The following DLG2 variants were observed in gnomAD, a reference collection of about 807,000 sequenced individuals.
The protein encoded by DLG2 is disks large homolog 2.
DLG2 carries 45 observed loss-of-function variants against 132.5 expected under a neutral mutation model. That is an observed-to-expected ratio of 0.34 (90% CI 0.27 to 0.44). DLG2 has a LOEUF of 0.44. Among genes scored for constraint, DLG2 ranks in the 20% least tolerant of loss-of-function variants. The pLI, the probability that DLG2 is intolerant of heterozygous loss-of-function variation, is 1.00. For synonymous variants in DLG2, 424 were observed against 419.6 expected (o/e 1.01, Z -0.13); for missense variants, 1,045 against 1,196.9 (o/e 0.87, Z 1.87).
At chr11:85,203,933 A>G (rs1045745846) in intron 4 of DLG2, among the ~76,000 whole-genome samples, 1 of 152,136 alleles carries the variant, frequency 6.6e-6, no homozygotes, top group Non-Finnish European at 1.5e-5. Context: ...AAGGACAAAA[A>G]CAATACTATC....
intron 5 of DLG2, among the ~76,000 whole-genome samples, chr11:85,151,643 C>T (rs2077261440): frequency 6.6e-6 from 1 of 152,190 alleles, no homozygotes; most frequent in Non-Finnish European, 1.5e-5. Context: ...GTTAAATAAA[C>T]TATCCTTTCC....
At chr11:83,483,127 T>A in intron 22 of DLG2, 1 of 754,908 alleles carries the variant, frequency 1.3e-6, no homozygotes, top group Non-Finnish European at 2.2e-6. Flanking sequence ...CACAGCTAGG[T>A]AACAAATAAA....
chr11:85,368,597 C>A (rs571732045), intron 3 of DLG2, among the ~76,000 whole-genome samples: 1 of 152,202 alleles, frequency 6.6e-6, no homozygotes, highest in Admixed American at 6.5e-5. Context: ...GAGTATAGAA[C>A]GAGGTGTACT....
At chr11:85,042,441 A>G (rs767299080) in intron 6 of DLG2, among the ~76,000 whole-genome samples, 1 of 151,992 alleles carries the variant, frequency 6.6e-6, no homozygotes, top group Non-Finnish European at 1.5e-5. Context: ...TGCAACATCC[A>G]ATTTTCCATT....
At chr11:84,305,569 C>T (rs2098207369) in intron 7 of DLG2, among the ~76,000 whole-genome samples, 1 of 152,090 alleles carries the variant, frequency 6.6e-6, no homozygotes, top group Admixed American at 6.5e-5. Context: ...CAAAATAGGG[C>T]ATGCCAGTAA....
intron 6 of DLG2, among the ~76,000 whole-genome samples, chr11:84,885,320 A>G (rs2088070071): frequency 6.6e-6 from 1 of 151,784 alleles, no homozygotes. Context: ...AGGTATGCAC[A>G]TTAGGAAAGC....
intron 5 of DLG2, among the ~76,000 whole-genome samples, chr11:85,133,301 C>T (rs2075878264): frequency 6.6e-6 from 1 of 152,160 alleles, no homozygotes; most frequent in Non-Finnish European, 1.5e-5. Context: ...GTCCCATCTA[C>T]CAAATGGCTG....
intron 7 of DLG2, among the ~76,000 whole-genome samples, chr11:84,397,357 T>A (rs376281775): frequency 1.3e-5 from 2 of 152,350 alleles, no homozygotes; most frequent in African/African-American, 4.8e-5. Flanking sequence ...AACTTCTATC[T>A]GAGACAATGC....
chr11:83,520,108 A>T (rs1251697967), intron 21 of DLG2, among the ~76,000 whole-genome samples: 2 of 152,264 alleles, frequency 1.3e-5, no homozygotes, highest in Non-Finnish European at 2.9e-5. Context: ...AGGACGTGTT[A>T]GTAAAATCTT....
chr11:84,573,997 CA>C (rs2154528145), intron 6 of DLG2, among the ~76,000 whole-genome samples: 1 of 152,262 alleles, frequency 6.6e-6, no homozygotes, highest in African/African-American at 2.4e-5. Context: ...CTTTATTTCA[CA>C]GAAAGGAAGT....
intron 15 of DLG2, among the ~76,000 whole-genome samples, chr11:83,917,690 T>A (rs1433215858): frequency 2.0e-5 from 3 of 152,168 alleles, no homozygotes; most frequent in Non-Finnish European, 4.4e-5. Context: ...TTCCATTAAA[T>A]GTGAACTCTT....
chr11:83,496,906 A>G (rs2094176262), intron 21 of DLG2, among the ~76,000 whole-genome samples: 1 of 152,214 alleles, frequency 6.6e-6, no homozygotes, highest in South Asian at 2.1e-4. Context: ...AGGTGGTTTT[A>G]GAAACTCTTT....
chr11:85,065,884 C>T (rs192674615), intron 6 of DLG2, among the ~76,000 whole-genome samples: 10 of 151,300 alleles, frequency 6.6e-5, no homozygotes, highest in East Asian at 5.9e-4. Flanking sequence ...CTCAAATTAA[C>T]GATTTAACAT....
intron 4 of DLG2, among the ~76,000 whole-genome samples, chr11:85,206,015 G>A (rs528085504): frequency 3.3e-5 from 5 of 152,254 alleles, no homozygotes; most frequent in South Asian, 4.1e-4. Context: ...CAGTGTTGGA[G>A]GTGGGGACGG....
At chr11:84,124,518 T>G (rs1487594197) in intron 9 of DLG2, among the ~76,000 whole-genome samples, 2 of 152,240 alleles carry the variant, frequency 1.3e-5, no homozygotes, top group Admixed American at 6.5e-5. Flanking sequence ...TATTCATCTC[T>G]GGATCTTTAT....
chr11:84,964,353 T>C (rs1281235110), intron 6 of DLG2, among the ~76,000 whole-genome samples: 1 of 152,120 alleles, frequency 6.6e-6, no homozygotes, highest in Non-Finnish European at 1.5e-5. Context: ...AGTAATTAGG[T>C]TAACTGATTT....
chr11:83,652,069 A>G (rs1038582980), intron 18 of DLG2: 2 of 305,870 alleles, frequency 6.5e-6, no homozygotes, highest in Admixed American at 4.0e-5. Flanking sequence ...TTCTCAGTAT[A>G]AATTAAAATG....
chr11:83,503,964 C>T (rs537136562), intron 21 of DLG2, among the ~76,000 whole-genome samples: 10 of 152,234 alleles, frequency 6.6e-5, no homozygotes, highest in Non-Finnish European at 8.8e-5. Context: ...AACTATCCTT[C>T]GTACAACCAG....
At chr11:85,419,949 A>C (rs943043273) in intron 3 of DLG2, among the ~76,000 whole-genome samples, 1 of 152,178 alleles carries the variant, frequency 6.6e-6, no homozygotes. Context: ...TTTCAAACTC[A>C]TTCCCCATCC....
Sources: gnomAD v4.1 joint callset for allele counts (sites outside exome capture counted in the v4.1 genomes callset) on GRCh38, gnomAD v4.1.1 for gene constraint, MANE v1.5 for transcripts, NCBI Gene and HGNC (gene_info 2026-07-23, HGNC 2026-07-21) for gene names.